Variants in LRRTM4 observed in about 807,000 individuals in gnomAD.
LRRTM4 encodes leucine-rich repeat transmembrane neuronal protein 4.
LRRTM4 carries 25 observed loss-of-function variants against 47.6 expected under a neutral mutation model. The ratio of observed to expected loss-of-function variants is 0.53; its 90% confidence interval spans 0.38 to 0.73. The LOEUF (loss-of-function observed/expected upper bound fraction) is 0.73, where lower values mean the gene tolerates loss of function less well. LRRTM4 is among the 30% of genes least tolerant of loss of function. The pLI is 0.00. For synonymous variants in LRRTM4, 311 were observed against 269.5 expected (o/e 1.15, Z -1.51); for missense variants, 638 against 713.4 (o/e 0.89, Z 1.20).
At chr2:77,272,729 C>G (rs964688537) in intron 3 of LRRTM4, among the ~76,000 whole-genome samples, 1 of 152,166 alleles carries the variant, frequency 6.6e-6, no homozygotes, top group Non-Finnish European at 1.5e-5. Context: ...AATTCTCACT[C>G]TATTTGATCC....
At chr2:77,499,223 A>T (rs537657576) in intron 3 of LRRTM4, among the ~76,000 whole-genome samples, 4 of 152,034 alleles carry the variant, frequency 2.6e-5, no homozygotes, top group Admixed American at 2.6e-4. Flanking sequence ...AATGCTCAGG[A>T]CAGATCTCAG....
At chr2:76,897,804 A>G (rs941033802) in intron 3 of LRRTM4, among the ~76,000 whole-genome samples, 3 of 152,120 alleles carry the variant, frequency 2.0e-5, no homozygotes, top group African/African-American at 7.2e-5. Flanking sequence ...CTGGCTCTGC[A>G]GTCTCCTTTC....
intron 3 of LRRTM4, among the ~76,000 whole-genome samples, chr2:76,936,954 CAAAAAAAAAAAA>C (rs56140303): frequency 6.6e-4 from 15 of 22,692 alleles, no homozygotes; most frequent in African/African-American, 1.8e-3. Flanking sequence ...GACTCCATCT[CAAAAAAAAAAAA>C]AAAAAAAAAA....
intron 3 of LRRTM4, among the ~76,000 whole-genome samples, chr2:76,813,752 A>G (rs1573155944): frequency 6.6e-6 from 1 of 152,146 alleles, no homozygotes; most frequent in South Asian, 2.1e-4. Flanking sequence ...TATTGTTTCA[A>G]TAAACCTTTT....
At chr2:76,801,152 C>A (rs1350414671) in intron 3 of LRRTM4, among the ~76,000 whole-genome samples, 5 of 152,124 alleles carry the variant, frequency 3.3e-5, no homozygotes, top group Admixed American at 2.0e-4. Flanking sequence ...ACCCAGCCAT[C>A]CCATTACTGG....
chr2:77,436,198 C>G (rs1015747209), intron 3 of LRRTM4, among the ~76,000 whole-genome samples: 46 of 151,824 alleles, frequency 3.0e-4, no homozygotes, highest in African/African-American at 1.0e-3. Context: ...AAAAAAATGC[C>G]CAAAGCAATG....
intron 3 of LRRTM4, among the ~76,000 whole-genome samples, chr2:77,298,637 C>A (rs974029427): frequency 6.6e-6 from 1 of 152,080 alleles, no homozygotes; most frequent in Admixed American, 6.5e-5. Context: ...TTTTTATGCC[C>A]TGCCAGAGAT....
chr2:77,476,463 T>G (rs997492478), intron 3 of LRRTM4, among the ~76,000 whole-genome samples: 1 of 152,072 alleles, frequency 6.6e-6, no homozygotes, highest in African/African-American at 2.4e-5. Flanking sequence ...TGTAAAATAT[T>G]AGAAATATAA....
At chr2:77,425,034 T>TA (rs1162375446) in intron 3 of LRRTM4, among the ~76,000 whole-genome samples, 2 of 152,162 alleles carry the variant, frequency 1.3e-5, no homozygotes, top group Non-Finnish European at 2.9e-5. Flanking sequence ...TGGTGTCTAT[T>TA]AAAAAACTAT....
In LRRTM4 at chr2:76,929,339, C is replaced by G. The variant is rs570048368; in HGVS notation, c.1552-180423G>C. On this transcript the variant is annotated intron_variant, in intron 3 of 3. Coordinates refer to ENST00000409884, the MANE Select transcript of LRRTM4 (RefSeq NM_001134745.3). ...TACAGTACAACAAATGCATTTGTGC[C>G]CATTTACCTCCCTAGTGTCCATGGC... Among the ~76,000 whole-genome samples, 7 of 152,212 alleles carry G rather than the reference C, an allele frequency of 4.6e-5. No individual in the cohort carries two copies. The East Asian group carries it at 1.4e-3, about 29-fold the overall frequency.
intron 3 of LRRTM4, among the ~76,000 whole-genome samples, chr2:77,479,464 A>G (rs1348672021): frequency 6.6e-6 from 1 of 152,228 alleles, no homozygotes; most frequent in Non-Finnish European, 1.5e-5. Context: ...TCAAAAAGCA[A>G]GTCGTCAGGG....
chr2:76,858,793 A>G (rs997122155), intron 3 of LRRTM4, among the ~76,000 whole-genome samples: 27 of 152,182 alleles, frequency 1.8e-4, no homozygotes, highest in African/African-American at 6.3e-4. Context: ...TTTCATAAAT[A>G]TTTCTTGTAT....
At chr2:77,087,020 AATT>A (rs1680739897) in intron 3 of LRRTM4, among the ~76,000 whole-genome samples, 1 of 152,030 alleles carries the variant, frequency 6.6e-6, no homozygotes, top group South Asian at 2.1e-4. Flanking sequence ...GTAATATTGC[AATT>A]ATCAGAAACA....
chr2:76,752,987 G>T (rs780672133), intron 3 of LRRTM4, among the ~76,000 whole-genome samples: 2 of 152,132 alleles, frequency 1.3e-5, no homozygotes, highest in African/African-American at 4.8e-5. Flanking sequence ...TTTATTTACA[G>T]ATAATGGATG....
chr2:76,802,291 C>T (rs898294224), intron 3 of LRRTM4, among the ~76,000 whole-genome samples: 1 of 148,150 alleles, frequency 6.7e-6, no homozygotes, highest in Non-Finnish European at 1.5e-5. Flanking sequence ...TAGGATATAA[C>T]AGCAAAATAC....
chr2:77,153,145 C>T (rs1672473455), intron 3 of LRRTM4, among the ~76,000 whole-genome samples: 1 of 152,114 alleles, frequency 6.6e-6, no homozygotes, highest in Non-Finnish European at 1.5e-5. Flanking sequence ...GACTAATTAG[C>T]ACCTTTAATG....
At chr2:76,938,335 A>T (rs1474577935) in intron 3 of LRRTM4, among the ~76,000 whole-genome samples, 2 of 152,112 alleles carry the variant, frequency 1.3e-5, no homozygotes, top group African/African-American at 2.4e-5. Context: ...AGTATTTTAG[A>T]TACTAGTGAT....
At position 76,796,229 on chromosome 2, in the gene LRRTM4, C is replaced by A. The variant is rs111603675; in HGVS notation, c.1552-47313G>T. On this transcript the variant is annotated intron_variant, in intron 3 of 3. Coordinates refer to ENST00000409884, the MANE Select transcript of LRRTM4 (RefSeq NM_001134745.3). ...TGAGATCAAACTGCAAGGCGGCAGCCAGGCTGGGGGAGGGGTGCCCGCCAT... is the reference window on the plus strand; with the variant it reads ...TGAGATCAAACTGCAAGGCGGCAGCAAGGCTGGGGGAGGGGTGCCCGCCAT... Among the ~76,000 whole-genome samples, 24 of 74,690 alleles carry A rather than the reference C, an allele frequency of 3.2e-4. 2 individuals are homozygous for A. The South Asian group carries it at 4.6e-3, about 14-fold the overall frequency. 49.0% of individuals were successfully genotyped at this position (74,690 alleles called of 152,430 possible).
chr2:76,974,633 C>T (rs1676356871), intron 3 of LRRTM4, among the ~76,000 whole-genome samples: 1 of 151,500 alleles, frequency 6.6e-6, no homozygotes, highest in African/African-American at 2.4e-5. Context: ...AGTGGAATTT[C>T]ATATCACTAC....
Sources: allele counts gnomAD v4.1 joint callset (sites outside exome capture counted in the v4.1 genomes callset), GRCh38; gene constraint gnomAD v4.1.1; transcripts MANE v1.5; gene names NCBI Gene and HGNC (gene_info 2026-07-23, HGNC 2026-07-21).